The following LPIN1 variants were observed in gnomAD, a reference collection of about 807,000 sequenced individuals.
LPIN1 encodes the protein phosphatidate phosphatase LPIN1.
A neutral mutation model predicts 107.5 loss-of-function variants in LPIN1; 71 were observed. The observed-to-expected ratio is 0.66, with a 90% confidence interval of 0.55 to 0.80. LPIN1 has a LOEUF of 0.80. Ranked by LOEUF, LPIN1 falls within the 30% of genes least tolerant of loss-of-function variation. The pLI is 0.00. For missense variants in LPIN1, 1,043 were observed against 1,160.6 expected (o/e 0.90, Z 1.47); for synonymous variants, 445 against 452.6 (o/e 0.98, Z 0.21).
intron 1 of LPIN1, among the ~76,000 whole-genome samples, chr2:11,680,473 C>T (rs1661655225): frequency 6.6e-6 from 1 of 152,014 alleles, no homozygotes; most frequent in African/African-American, 2.4e-5. Flanking sequence ...CCCTCTTCTG[C>T]AGGAGGTCAA....
In LPIN1 at chr2:11,730,517, T is replaced by A. The variant is rs76445373; in HGVS notation, c.-72+5978T>A. 7.9e-5 allele frequency among the ~76,000 whole-genome samples: 12 copies of A among 152,356 alleles called. No homozygotes were observed. In the East Asian group the frequency reaches 2.3e-3, roughly 29 times the overall value. Reference sequence around the variant, plus strand: ...CTGTGTCATAGCTGAGACTAGTTAGTATTGCTGTCTCTTGGAAGTGTGTTC... The same window carrying A: ...CTGTGTCATAGCTGAGACTAGTTAGAATTGCTGTCTCTTGGAAGTGTGTTC... On this transcript the variant is annotated intron_variant, in intron 1 of 21. Transcript: ENST00000396097.
At chr2:11,790,396 G>A (rs990345434) in intron 12 of LPIN1, among the ~76,000 whole-genome samples, 3 of 152,302 alleles carry the variant, frequency 2.0e-5, no homozygotes, top group East Asian at 1.9e-4. Flanking sequence ...TCAGACTGCC[G>A]CATCTGAAAC....
At chr2:11,791,716 C>T in intron 12 of LPIN1, 198 bp from the exon 13 acceptor site, 1 of 1,430,246 alleles carries the variant, frequency 7.0e-7, no homozygotes, top group Non-Finnish European at 9.3e-7. Flanking sequence ...AGTCTTCATG[C>T]TTAAGTTACC....
In LPIN1 at chr2:11,771,571, A is replaced by C; in HGVS notation, c.488A>C (p.Gln163Pro). ...AGAAGAAAAAGGAGGAGAAAGTCAC[A>C]GCTGGACAGCCTGAAGAGAGATGAC... ...KKRRKRRRKS[Q>P]LDSLKRDDNM... Residue 163 changes from glutamine to proline, a missense_variant, in exon 4 of 21, where the codon CAG (glutamine) becomes CCG (proline). By Grantham distance (76) the Gln-to-Pro change is moderately conservative. Transcript: ENST00000674199. The surrounding 1 kb of genome is among the most constrained non-coding windows in gnomAD (Gnocchi z 4.8). 6.2e-7 allele frequency: 1 copy of C among 1,613,842 alleles called. No homozygotes were observed. The highest frequency in any genetic ancestry group is 2.2e-5 in the East Asian group (1 of 44,876).
intron 17 of LPIN1, among the ~76,000 whole-genome samples, chr2:11,811,899 C>T (rs527982793): frequency 1.8e-4 from 27 of 152,184 alleles, no homozygotes; most frequent in East Asian, 1.6e-3. Flanking sequence ...GCAGGAGAAT[C>T]GCTTGAACCC....
chr2:11,819,464 GTTAT>G lies in LPIN1; in HGVS notation c.2403-13_2403-10del, dbSNP rs777866555. 2.8e-6 allele frequency: 4 copies of G among 1,451,966 alleles called. No individual in the cohort carries two copies. The highest frequency in any genetic ancestry group is 2.3e-5 in the East Asian group (1 of 44,144). The allele number at this position is 1,451,966 out of a possible 1,614,324, so 89.9% of individuals were successfully genotyped here. On this transcript the variant is annotated splice_polypyrimidine_tract_variant and intron_variant, in intron 18 of 20. Coordinates refer to ENST00000674199, the MANE Select transcript of LPIN1 (RefSeq NM_001349206.2). ...GAAGCTTAGCCTCTCATGTTAATCT[GTTAT>G]TTATTTGTTTAACAGAGAAGTGATT...
At chr2:11,693,822 ATTTTT>A (rs34409476) in intron 1 of LPIN1, among the ~76,000 whole-genome samples, 88 of 18,848 alleles carry the variant, frequency 4.7e-3, no homozygotes, top group Non-Finnish European at 5.9e-3. Flanking sequence ...ATATATATAT[ATTTTT>A]TTTTTTTTTT....
At chr2:11,769,021 C>G (rs1671434780) in intron 3 of LPIN1, among the ~76,000 whole-genome samples, 1 of 150,630 alleles carries the variant, frequency 6.6e-6, no homozygotes, top group African/African-American at 2.4e-5. Flanking sequence ...AACAACATGG[C>G]TGTGAACATT....
At chr2:11,708,523 G>A (rs548096963) in intron 1 of LPIN1, among the ~76,000 whole-genome samples, 6 of 152,252 alleles carry the variant, frequency 3.9e-5, no homozygotes, top group African/African-American at 1.4e-4. Flanking sequence ...GATCATGCAG[G>A]GCCATGCATG....
At chr2:11,790,495 T>C (rs552950759) in intron 12 of LPIN1, among the ~76,000 whole-genome samples, 1 of 152,368 alleles carries the variant, frequency 6.6e-6, no homozygotes, top group African/African-American at 2.4e-5. Context: ...GAAATGACTG[T>C]GAACGGCTTC....
At chr2:11,686,677 C>T (rs139797016) in intron 1 of LPIN1, among the ~76,000 whole-genome samples, 24 of 152,278 alleles carry the variant, frequency 1.6e-4, no homozygotes, top group African/African-American at 4.6e-4. Flanking sequence ...GAGCGAGCAA[C>T]GAGATGCCTG....
intron 13 of LPIN1, among the ~76,000 whole-genome samples, chr2:11,794,471 A>AT (rs150309817): frequency 2.2e-4 from 34 of 152,382 alleles, no homozygotes; most frequent in African/African-American, 7.5e-4. Context: ...TAGATAAAAC[A>AT]TAACTGGACA....
Position 11,782,479 on chromosome 2 carries a change from C to T in LPIN1, c.1236C>T (p.Asn412=). The T allele has an allele frequency of 6.2e-7, 1 of 1,614,156 alleles. No individual in the cohort carries two copies. The highest frequency in any genetic ancestry group is 2.2e-5 in the East Asian group (1 of 44,892). ...PPSASVVQTA[N]KTDSPSRKRD... Reference sequence around the variant, plus strand: ...CTGCCAGTGTAGTCCAGACAGCAAACAAGACGGATTCTCCTTCCAGGAAAA... The same window carrying T: ...CTGCCAGTGTAGTCCAGACAGCAAATAAGACGGATTCTCCTTCCAGGAAAA... The change falls in exon 8 of 21, where the codon AAC becomes AAT. Residue 412 remains asparagine, a synonymous_variant. Transcript: ENST00000674199.
chr2:11,688,022 C>T (rs923824025), intron 1 of LPIN1, among the ~76,000 whole-genome samples: 3 of 152,234 alleles, frequency 2.0e-5, no homozygotes, highest in Admixed American at 1.3e-4. Flanking sequence ...TTTGTCCACC[C>T]AGAGGTCCTC....
chr2:11,759,283 A>G (rs1406421116), intron 1 of LPIN1, among the ~76,000 whole-genome samples: 2 of 151,962 alleles, frequency 1.3e-5, no homozygotes, highest in African/African-American at 4.8e-5. Context: ...CAGCAGATAA[A>G]CAAGTGAACA....
At chr2:11,746,757 C>T (rs1169164083) in intron 1 of LPIN1, 86 bp downstream of exon 1, 1 of 716,648 alleles carries the variant, frequency 1.4e-6, no homozygotes, top group Admixed American at 6.3e-5. Flanking sequence ...CGCCGGGGCG[C>T]TGAGGACGCG....
At chr2:11,810,405 G>A (rs1299732680) in intron 17 of LPIN1, among the ~76,000 whole-genome samples, 1 of 152,184 alleles carries the variant, frequency 6.6e-6, no homozygotes, top group Non-Finnish European at 1.5e-5. Context: ...GCTGGGAGAC[G>A]AGCAGGTACT....
chr2:11,737,260 A>G (rs918867474), intron 1 of LPIN1, among the ~76,000 whole-genome samples: 7 of 152,278 alleles, frequency 4.6e-5, no homozygotes, highest in Admixed American at 4.6e-4. Context: ...CTTAAACATA[A>G]GACCTAAAAC....
chr2:11,773,147 G>A (rs534233939), intron 4 of LPIN1, among the ~76,000 whole-genome samples: 15 of 152,322 alleles, frequency 9.8e-5, no homozygotes, highest in African/African-American at 2.2e-4. Flanking sequence ...TTCTGTAATC[G>A]TAAGGCATGT....
Sources: gnomAD v4.1 joint callset for allele counts (sites outside exome capture counted in the v4.1 genomes callset) on GRCh38, gnomAD v4.1.1 for gene constraint, Gnocchi (gnomAD v3.1) non-coding constraint, MANE v1.5 for transcripts, NCBI Gene and HGNC (gene_info 2026-07-23, HGNC 2026-07-21) for gene names.